The following SKIC8 variants were observed in gnomAD, a reference collection of about 807,000 sequenced individuals.
The protein encoded by SKIC8 is SKI8 subunit of superkiller complex, also known as superkiller complex protein 8.
the SKIC8 span, chr15:78,292,465 C>T: frequency 1.3e-6 from 1 of 797,378 alleles, no homozygotes; most frequent in Non-Finnish European, 2.0e-6. Flanking sequence ...TCCAGCCCCA[C>T]TGAGGGTATT....
the SKIC8 span, chr15:78,294,746 T>C: frequency 5.3e-6 from 3 of 570,326 alleles, no homozygotes; most frequent in Non-Finnish European, 8.9e-6. Context: ...ACTGCTTTTT[T>C]TTTTTAGCTG....
the SKIC8 span, among the ~76,000 whole-genome samples, chr15:78,299,026 C>G: frequency 1.3e-5 from 2 of 152,130 alleles, no homozygotes; most frequent in Non-Finnish European, 2.9e-5. Flanking sequence ...AAACTTTTCC[C>G]TAAATTTCCT....
the SKIC8 span, chr15:78,285,729 A>G: frequency 1.9e-5 from 8 of 419,026 alleles, no homozygotes; most frequent in Non-Finnish European, 3.4e-5. Context: ...TGGGATCTAT[A>G]AACAACATTT....
chr15:78,285,084 C>A, the SKIC8 span: 2 of 606,300 alleles, frequency 3.3e-6, no homozygotes, highest in Admixed American at 5.9e-5. Flanking sequence ...CCAGCCTCTG[C>A]ACCCCAGACT....
the SKIC8 span, chr15:78,286,109 C>A: frequency 6.2e-7 from 1 of 1,613,480 alleles, no homozygotes; most frequent in African/African-American, 1.3e-5. Flanking sequence ...GGCCGCTCAG[C>A]GTGCCAGCCA....
At chr15:78,296,418 T>A in the SKIC8 span, among the ~76,000 whole-genome samples, 11 of 148,596 alleles carry the variant, frequency 7.4e-5, no homozygotes, top group African/African-American at 1.5e-4. Context: ...AAAATAAAAA[T>A]AAAAAATAAA....
the SKIC8 span, among the ~76,000 whole-genome samples, chr15:78,291,514 C>G: frequency 6.6e-6 from 1 of 152,084 alleles, no homozygotes; most frequent in Non-Finnish European, 1.5e-5. Context: ...TCCCACCCCA[C>G]GTACTCTGAA....
the SKIC8 span, among the ~76,000 whole-genome samples, chr15:78,299,265 T>G: frequency 6.6e-6 from 1 of 152,262 alleles, no homozygotes; most frequent in South Asian, 2.1e-4. Context: ...CAGCTACGGA[T>G]AAATGATCTC....
chr15:78,291,961 C>T, the SKIC8 span: 1 of 152,282 alleles, frequency 6.6e-6, no homozygotes, highest in Non-Finnish European at 1.5e-5. Context: ...TGCTGCTCCA[C>T]ATTAGTCAGC....
chr15:78,285,889 A>G, the SKIC8 span: 588 of 575,668 alleles, frequency 1.0e-3, 1 homozygote, highest in African/African-American at 8.9e-3. Context: ...AAGGTCAACT[A>G]ACATCACTAA....
the SKIC8 span, chr15:78,288,363 G>A: frequency 1.2e-6 from 2 of 1,613,838 alleles, no homozygotes; most frequent in Non-Finnish European, 1.7e-6. Flanking sequence ...AGGTCAAGGA[G>A]CGAATGGGCA....
chr15:78,291,987 T>C, the SKIC8 span: 1 of 152,512 alleles, frequency 6.6e-6, no homozygotes, highest in Non-Finnish European at 1.5e-5. Context: ...ACATCATTAA[T>C]TTCTGTCATC....
chr15:78,285,440 C>A, the SKIC8 span: 4 of 1,000,968 alleles, frequency 4.0e-6, no homozygotes, highest in Non-Finnish European at 6.2e-6. Context: ...ACCCCCCAAC[C>A]CCATGCCTCG....
At chr15:78,287,739 G>C in the SKIC8 span, among the ~76,000 whole-genome samples, 1 of 152,116 alleles carries the variant, frequency 6.6e-6, no homozygotes, top group African/African-American at 2.4e-5. Flanking sequence ...AAGACATAGG[G>C]GTCCGCACAG....
the SKIC8 span, among the ~76,000 whole-genome samples, chr15:78,298,201 C>T: frequency 6.6e-6 from 1 of 152,210 alleles, no homozygotes; most frequent in Non-Finnish European, 1.5e-5. Context: ...TCTTCCCTGT[C>T]ATTCTGGGCC....
the SKIC8 span, chr15:78,294,999 A>G: frequency 6.2e-7 from 1 of 1,614,068 alleles, no homozygotes; most frequent in Non-Finnish European, 8.5e-7. Context: ...AGCCACATTA[A>G]ACCCATGGTC....
the SKIC8 span, chr15:78,286,210 T>A: frequency 7.8e-7 from 1 of 1,275,390 alleles, no homozygotes; most frequent in Non-Finnish European, 1.1e-6. Context: ...AGTATATTAT[T>A]AACTCTGCCA....
At chr15:78,293,776 G>A in the SKIC8 span, among the ~76,000 whole-genome samples, 2 of 152,014 alleles carry the variant, frequency 1.3e-5, no homozygotes, top group Non-Finnish European at 2.9e-5. Flanking sequence ...ATGGTTAATG[G>A]GCCAATTATT....
the SKIC8 span, chr15:78,290,480 A>G: frequency 6.0e-6 from 1 of 166,882 alleles, no homozygotes; most frequent in Non-Finnish European, 1.3e-5. Context: ...AAAGACTGGT[A>G]CACTCATGGT....
Sources: allele counts gnomAD v4.1 joint callset (sites outside exome capture counted in the v4.1 genomes callset), GRCh38; gene constraint gnomAD v4.1.1; transcripts MANE v1.5; gene names NCBI Gene and HGNC (gene_info 2026-07-23, HGNC 2026-07-21).